The following SLC20A2 variants were observed in gnomAD, a reference collection of about 807,000 sequenced individuals.
SLC20A2 encodes solute carrier family 20 member 2, also known as sodium-dependent phosphate transporter 2.
A neutral mutation model predicts 61.0 loss-of-function variants in SLC20A2; 30 were observed. The ratio of observed to expected loss-of-function variants is 0.49; its 90% CI spans 0.37 to 0.67. SLC20A2 has a LOEUF of 0.67. Among genes scored for constraint, SLC20A2 ranks in the 30% least tolerant of loss-of-function variants. The probability of loss-of-function intolerance (pLI) is 0.00; values close to 1 mark genes in which losing one functional copy is unlikely to be tolerated. For synonymous variants in SLC20A2, 351 were observed against 353.3 expected, an observed-to-expected ratio of 0.99 and a Z score of 0.07; for missense variants, 626 against 866.4, an observed-to-expected ratio of 0.72 and a Z score of 3.48.
chr8:42,417,888 G>A lies in SLC20A2; in HGVS notation c.1874C>T (p.Ala625Val). 1 of 1,614,030 alleles carries A rather than the reference G, an allele frequency of 6.2e-7. No individual in the cohort carries two copies. Among genetic ancestry groups the A allele is most frequent in the Non-Finnish European group, 8.5e-7 (1 of 1,179,978 alleles). Reference protein sequence around the residue: ...DWRLFRNIFVAWFVTVPVAGL... With the variant: ...DWRLFRNIFVVWFVTVPVAGL... ...AGCCACAGGGACGGTCACGAACCAG[G>A]CCACGAAGATGTTCCGAAAGAGGCG... The change falls in exon 11 of 11, where the codon GCC becomes GTC. Residue 625 changes from alanine to valine, a missense_variant. By Grantham distance (64) the Ala-to-Val change is moderately conservative. This residue lies in a region of SLC20A2 where 138 missense variants were observed against 228.7 expected (regional missense o/e 0.60). Transcript: ENST00000520262.
intron 1 of SLC20A2, among the ~76,000 whole-genome samples, chr8:42,533,783 C>T (rs558044598): frequency 2.7e-5 from 4 of 150,862 alleles, no homozygotes; most frequent in African/African-American, 9.7e-5. Flanking sequence ...CCTCAGCCTC[C>T]TGACTAGCTG....
At chr8:42,463,288 C>T (rs1806855357) in intron 3 of SLC20A2, 198 bp from the exon 4 acceptor site, 1 of 466,898 alleles carries the variant, frequency 2.1e-6, no homozygotes, top group African/African-American at 2.0e-5. Context: ...CACACTCAGA[C>T]ATCAACACAC....
rs1804714273 is a variant in SLC20A2 at position 42,440,796 on chromosome 8, T to TATTC, written c.731-1144_731-1143insGAAT. Among the ~76,000 whole-genome samples the TATTC allele has an allele frequency of 2.0e-5, 3 of 152,016 alleles. 1 individual carries two copies. In the South Asian group the frequency reaches 6.2e-4, roughly 31 times the overall value. ...ATTTAGTACTGTCAGTATTTTTCATTATTTATTTATTTATTTATTTTTGAG... is the reference window on the plus strand; with the variant it reads ...ATTTAGTACTGTCAGTATTTTTCATTATTCATTTATTTATTTATTTATTTTTGAG... On this transcript the variant is annotated intron_variant, in intron 6 of 10. Transcript: ENST00000520262.
chr8:42,505,091 A>G (rs374133758), upstream of SLC20A2, among the ~76,000 whole-genome samples: 162 of 109,268 alleles, frequency 1.5e-3, no homozygotes, highest in African/African-American at 5.6e-3. Flanking sequence ...CACAAGAGGG[A>G]CGCAATACCC....
rs1807731100 is a variant in SLC20A2 at position 42,472,616 on chromosome 8, A to AT, written c.-227dup. Reference sequence around the variant, plus strand: ...CAGTCAGCGGTAAAACACATTCCATATTTTTCCTCCCGATCTGGGAAAGCT... The same window carrying AT: ...CAGTCAGCGGTAAAACACATTCCATATTTTTTCCTCCCGATCTGGGAAAGCT... On this transcript the variant is annotated 5_prime_UTR_variant, in exon 2 of 11. Transcript: ENST00000520262. The surrounding 1 kb of genome is among the most constrained non-coding windows in gnomAD (Gnocchi z 4.1). 1 of 488,692 alleles carries AT rather than the reference A, an allele frequency of 2.0e-6. No individual in the cohort carries two copies. Among genetic ancestry groups the AT allele is most frequent in the Non-Finnish European group, 3.6e-6 (1 of 274,094 alleles). The allele number at this position is 488,692 out of a possible 1,614,324, so 30.3% of individuals were successfully genotyped here. A position where few individuals can be genotyped will look rare whatever the true frequency, so the allele number is the denominator to read the frequency against.
chr8:42,423,705 T>G (rs1244236576), intron 10 of SLC20A2, among the ~76,000 whole-genome samples: 4 of 152,248 alleles, frequency 2.6e-5, no homozygotes, highest in Non-Finnish European at 5.9e-5. Flanking sequence ...CAGTAATTTC[T>G]GAGTTCTTAA....
chr8:42,531,411 A>G (rs899175459), intron 1 of SLC20A2, among the ~76,000 whole-genome samples: 7 of 152,228 alleles, frequency 4.6e-5, no homozygotes, highest in African/African-American at 1.4e-4. Flanking sequence ...GGCTGTTCTT[A>G]TATCTTAAAC....
intron 6 of SLC20A2, among the ~76,000 whole-genome samples, chr8:42,443,208 GTAT>G (rs1220599015): frequency 6.9e-5 from 9 of 131,132 alleles, no homozygotes; most frequent in African/African-American, 2.3e-4. Flanking sequence ...TAGTATAATT[GTAT>G]TATACCACAG....
At chr8:42,451,147 G>A (rs890003112) in intron 5 of SLC20A2, among the ~76,000 whole-genome samples, 1 of 152,010 alleles carries the variant, frequency 6.6e-6, no homozygotes, top group Non-Finnish European at 1.5e-5. Context: ...GGAGGAACAG[G>A]GGGAGGAGGA....
chr8:42,508,459 C>T (rs1586234022), intron 1 of SLC20A2, among the ~76,000 whole-genome samples: 1 of 152,212 alleles, frequency 6.6e-6, no homozygotes, highest in Non-Finnish European at 1.5e-5. Flanking sequence ...GGCATGATCT[C>T]AGCTCACTGC....
chr8:42,465,423 G>A (rs914885352), intron 3 of SLC20A2, among the ~76,000 whole-genome samples: 26 of 151,940 alleles, frequency 1.7e-4, no homozygotes, highest in African/African-American at 5.8e-4. Context: ...GCTGGGCACG[G>A]TGGCTCACGC....
At chr8:42,466,866 TG>T (rs111775666) in intron 2 of SLC20A2, among the ~76,000 whole-genome samples, 10,383 of 152,064 alleles carry the variant, frequency 0.068, 1,126 homozygotes, top group African/African-American at 0.23. Flanking sequence ...GACAGGATTT[TG>T]CTATGTTACC....
chr8:42,524,434 C>T (rs1018560816), intron 1 of SLC20A2, among the ~76,000 whole-genome samples: 13 of 152,064 alleles, frequency 8.5e-5, no homozygotes, highest in African/African-American at 3.1e-4. Context: ...ATTTTGTCTT[C>T]TTTAAGCTTA....
Position 42,439,513 on chromosome 8 carries a change from C to A in SLC20A2, c.871G>T (p.Ala291Ser). The change falls in exon 7 of 11, where the codon GCA becomes TCA. Residue 291 changes from alanine (A) to serine (S), a missense_variant. Physicochemically the swap from Ala to Ser is moderately conservative, Grantham distance 99 (BLOSUM62 1). Coordinates refer to ENST00000520262, the MANE Select transcript of SLC20A2 (RefSeq NM_001257180.2). Reference sequence around the variant, plus strand: ...TCCGAGGTCCCCAGTGTCTCCCCTGCTGCTCCCGTGAGCGGGATGGTGCTG... The same window carrying A: ...TCCGAGGTCCCCAGTGTCTCCCCTGATGCTCCCGTGAGCGGGATGGTGCTG... ...DDSTIPLTGA[A>S]GETLGTSEGT... The A allele has an allele frequency of 6.2e-7, 1 of 1,614,208 alleles. No individual in the cohort carries two copies. Among genetic ancestry groups the A allele is most frequent in the South Asian group, 1.1e-5 (1 of 91,084 alleles).
chr8:42,417,206 C>T lies in SLC20A2; in HGVS notation c.*597G>A, dbSNP rs1418499626. ...TTACAAAAGCAATGATGATATATTA[C>T]ACAACAATCAATACACAGTATATGA... On this transcript the variant is annotated 3_prime_UTR_variant, in exon 11 of 11. Transcript: ENST00000520262. 1 of 152,548 alleles carries T rather than the reference C, an allele frequency of 6.6e-6. No homozygotes were observed. Among genetic ancestry groups the T allele is most frequent in the Non-Finnish European group, 1.5e-5 (1 of 68,132 alleles). The allele number at this position is 152,548 out of a possible 1,614,324, so 9.4% of individuals were successfully genotyped here.
intron 6 of SLC20A2, among the ~76,000 whole-genome samples, chr8:42,441,912 T>C (rs549059321): frequency 1.3e-5 from 2 of 151,944 alleles, no homozygotes; most frequent in Non-Finnish European, 2.9e-5. Context: ...GTTTGAAATT[T>C]TGATGAAGTA....
intron 5 of SLC20A2, among the ~76,000 whole-genome samples, chr8:42,458,724 T>A (rs1243352738): frequency 6.7e-6 from 1 of 150,114 alleles, no homozygotes; most frequent in African/African-American, 2.5e-5. Flanking sequence ...CTGGCTAATA[T>A]GGTGAAACCC....
rs148276686 is a variant in SLC20A2 at position 42,417,874 on chromosome 8, C to T, written c.1888G>A (p.Val630Ile). ...GCGCTGAACAGCCCAGCCACAGGGA[C>T]GGTCACGAACCAGGCCACGAAGATG... is the stretch of plus-strand genomic sequence containing the variant. ...RNIFVAWFVT[V>I]PVAGLFSAAV... is the part of the protein sequence containing the mutation. Residue 630 changes from valine to isoleucine, a missense_variant, in exon 11 of 11, where the codon GTC becomes ATC. Val to Ile is a conservative substitution (Grantham distance 29). Transcript: ENST00000520262. The T allele has an allele frequency of 9.3e-6, 15 of 1,614,152 alleles. No individual in the cohort carries two copies. Among genetic ancestry groups the T allele is most frequent in the Non-Finnish European group, 1.3e-5 (15 of 1,180,030 alleles).
Position 42,455,003 on chromosome 8 carries a change from A to C in SLC20A2, c.613+4893T>G, listed in dbSNP as rs1806034402. 2.6e-5 allele frequency among the ~76,000 whole-genome samples: 4 copies of C among 151,552 alleles called. No individual in the cohort carries two copies. The Admixed American group carries it at 2.6e-4, about 10-fold the overall frequency. On this transcript the variant is annotated intron_variant, in intron 5 of 10. Coordinates refer to ENST00000520262, the MANE Select transcript of SLC20A2 (RefSeq NM_001257180.2). ...CACTTTGGGAGGCCGAGGTGGGCGG[A>C]TCACCTCAGGTCAGGGGTTTGAGAC... is the stretch of plus-strand genomic sequence containing the variant.
Sources: allele counts gnomAD v4.1 joint callset (sites outside exome capture counted in the v4.1 genomes callset), GRCh38; gene constraint gnomAD v4.1.1; regional missense constraint gnomAD v4.1.1; non-coding constraint Gnocchi (gnomAD v3.1); transcripts MANE v1.5; gene names NCBI Gene and HGNC (gene_info 2026-07-23, HGNC 2026-07-21).